The following PRAG1 variants were observed in gnomAD, a reference collection of about 807,000 sequenced individuals.
PRAG1 encodes the protein PEAK1 related, kinase-activating pseudokinase 1.
Under a neutral mutation model 95.6 loss-of-function variants are expected in PRAG1, and 110 were observed. The observed-to-expected ratio is 1.15, with a 90% confidence interval of 0.99 to 1.35. The LOEUF (loss-of-function observed/expected upper bound fraction) is 1.35. Among genes scored for constraint, PRAG1 ranks in the 40% most tolerant of loss-of-function variants. The pLI, the probability that PRAG1 is intolerant of heterozygous loss-of-function variation, is 0.00. For synonymous variants in PRAG1, 1,052 were observed against 819.4 expected (o/e 1.28, Z -4.85); for missense variants, 2,554 against 1,864.7 (o/e 1.37, Z -6.81).
chr8:8,327,696 G>T lies in PRAG1; in HGVS notation c.3072+14C>A, dbSNP rs1220423472. 2 of 1,598,092 alleles carry T rather than the reference G, an allele frequency of 1.3e-6. No individual in the cohort carries two copies. Among genetic ancestry groups the T allele is most frequent in the South Asian group, 1.1e-5 (1 of 88,466 alleles). On this transcript the variant is annotated intron_variant, in intron 5 of 5. Coordinates refer to ENST00000615670, the MANE Select transcript of PRAG1 (RefSeq NM_001080826.3). ...CAGTGGCACAGCAGAATGCAAGGAG[G>T]GAGTGGTACCTACTTTCACAGCATA...
At chr8:8,343,887 T>C (rs1275589891) in intron 3 of PRAG1, among the ~76,000 whole-genome samples, 1 of 152,186 alleles carries the variant, frequency 6.6e-6, no homozygotes, top group Non-Finnish European at 1.5e-5. Context: ...TATATGTAAT[T>C]TTAAGTTTTC....
chr8:8,327,376 C>T (rs1226713088), intron 5 of PRAG1, among the ~76,000 whole-genome samples: 1 of 152,086 alleles, frequency 6.6e-6, no homozygotes, highest in East Asian at 1.9e-4. Context: ...TCAAGACCAG[C>T]CGGGCCAATA....
intron 3 of PRAG1, among the ~76,000 whole-genome samples, chr8:8,360,248 C>T (rs1719995767): frequency 6.6e-6 from 1 of 152,174 alleles, no homozygotes; most frequent in South Asian, 2.1e-4. Flanking sequence ...ATGACCTGGC[C>T]TCCCACATCT....
chr8:8,376,367 G>T lies in PRAG1; in HGVS notation c.2042C>A (p.Ser681Tyr). The T allele has an allele frequency of 6.2e-7, 1 of 1,614,230 alleles. No homozygotes were observed. The highest frequency in any genetic ancestry group is 2.2e-5 in the East Asian group (1 of 44,878). The change falls in exon 3 of 6, where the codon TCT (serine) becomes TAT (tyrosine). Residue 681 changes from serine to tyrosine, a missense_variant. By Grantham distance (144) the Ser-to-Tyr change is moderately radical. Transcript: ENST00000615670. ...GGTCCCAACTTTGCTGTTCTGCCCA[G>T]AGGAGCCATCTGTGGGGTGGAGACG... ...WHRLHPTDGS[S>Y]GQNSKVGTGM...
chr8:8,379,769 G>C (rs550728307), intron 2 of PRAG1, among the ~76,000 whole-genome samples: 1 of 152,186 alleles, frequency 6.6e-6, no homozygotes, highest in African/African-American at 2.4e-5. Context: ...CAGCAGACCC[G>C]GGCTATGTGC....
At chr8:8,375,026 C>T (rs181745660) in intron 3 of PRAG1, among the ~76,000 whole-genome samples, 1 of 150,944 alleles carries the variant, frequency 6.6e-6, no homozygotes, top group African/African-American at 2.4e-5. Context: ...TCGCTCTAAT[C>T]GAGAGAAATT....
At position 8,318,050 on chromosome 8, in the gene PRAG1, C is replaced by G; in HGVS notation, c.*104G>C. ...TTTATATATTTTACATCCAGGTATCCCAGTCATCTGTACCATTTCCCAGGG... is the reference window on the plus strand; with the variant it reads ...TTTATATATTTTACATCCAGGTATCGCAGTCATCTGTACCATTTCCCAGGG... On this transcript the variant is annotated 3_prime_UTR_variant, in exon 6 of 6. Coordinates refer to ENST00000615670, the MANE Select transcript of PRAG1 (RefSeq NM_001080826.3). This position sits in a 1 kb window ranked among gnomAD's most constrained non-coding sequence, Gnocchi z 4.2. The G allele has an allele frequency of 1.9e-6, 2 of 1,027,722 alleles. No individual in the cohort carries two copies. The highest frequency in any genetic ancestry group is 2.8e-6 in the Non-Finnish European group (2 of 726,820). The allele number at this position is 1,027,722 out of a possible 1,614,324, so 63.7% of individuals were successfully genotyped here.
rs1245270366 is a variant in PRAG1, at chr8:8,327,783, C to G, written c.2999G>C (p.Cys1000Ser). Reference sequence around the variant, plus strand: ...ATAAATGGCATCCCCCGAGTCACAGCAGGGCTTGTTACAAGTCAGCTTGAA... The same window carrying G: ...ATAAATGGCATCCCCCGAGTCACAGGAGGGCTTGTTACAAGTCAGCTTGAA... ...SLFKLTCNKP[C>S]CDSGDAIYYC... is the part of the protein sequence containing the mutation. Residue 1000 changes from cysteine (C) to serine (S), a missense_variant, in exon 5 of 6, where the codon TGC becomes TCC. Cys to Ser is a moderately radical substitution (Grantham distance 112). Transcript: ENST00000615670. 1 of 1,614,098 alleles carries G rather than the reference C, an allele frequency of 6.2e-7. No individual in the cohort carries two copies. Among genetic ancestry groups the G allele is most frequent in the South Asian group, 1.1e-5 (1 of 91,092 alleles).
At chr8:8,370,659 A>G (rs1432129574) in intron 3 of PRAG1, among the ~76,000 whole-genome samples, 2 of 152,196 alleles carry the variant, frequency 1.3e-5, no homozygotes, top group Non-Finnish European at 2.9e-5. Flanking sequence ...GACACTGGAG[A>G]CAAACACCCA....
Position 8,374,647 on chromosome 8 carries a change from A to G in PRAG1, c.2162+1600T>C, listed in dbSNP as rs1049728866. 7 of 985,270 alleles carry G rather than the reference A, an allele frequency of 7.1e-6. No homozygotes were observed. The African/African-American group carries it at 8.7e-5, about 12-fold the overall frequency. 61.0% of individuals were successfully genotyped at this position (985,270 alleles called of 1,614,324 possible). On this transcript the variant is annotated intron_variant, in intron 3 of 5. Coordinates refer to ENST00000615670, the MANE Select transcript of PRAG1 (RefSeq NM_001080826.3). ...GTGAGTGCCATATAAATGGAAGCTCATCTTAGCTGCTGAATCTCTCATTCA... is the reference window on the plus strand; with the variant it reads ...GTGAGTGCCATATAAATGGAAGCTCGTCTTAGCTGCTGAATCTCTCATTCA...
At chr8:8,322,336 A>T (rs1798498690) in intron 5 of PRAG1, among the ~76,000 whole-genome samples, 1 of 152,098 alleles carries the variant, frequency 6.6e-6, no homozygotes, top group African/African-American at 2.4e-5. Context: ...GCCTGCCACC[A>T]CACTCGACTA....
chr8:8,340,399 T>G (rs530029244), intron 3 of PRAG1, among the ~76,000 whole-genome samples: 4 of 152,356 alleles, frequency 2.6e-5, no homozygotes, highest in Admixed American at 2.6e-4. Flanking sequence ...TCCTTCCCAC[T>G]TTCCAAGGGC....
chr8:8,342,353 G>A (rs1250683445), intron 3 of PRAG1, among the ~76,000 whole-genome samples: 2 of 151,240 alleles, frequency 1.3e-5, no homozygotes, highest in South Asian at 2.1e-4. Context: ...CCACCACCAC[G>A]CCCCGCTAAT....
intron 3 of PRAG1, among the ~76,000 whole-genome samples, chr8:8,346,564 A>T (rs546497484): frequency 6.6e-6 from 1 of 152,312 alleles, no homozygotes; most frequent in South Asian, 2.1e-4. Flanking sequence ...GTTGGTGGAA[A>T]GCTGGAAAAA....
intron 3 of PRAG1, among the ~76,000 whole-genome samples, chr8:8,353,285 C>A (rs1799583548): frequency 6.6e-6 from 1 of 151,850 alleles, no homozygotes. Flanking sequence ...GAACTTTTTC[C>A]AGGATAGACC....
Position 8,328,325 on chromosome 8 carries a change from C to T in PRAG1, c.2457G>A (p.Lys819=). The T allele has an allele frequency of 6.2e-7, 1 of 1,613,360 alleles. No individual in the cohort carries two copies. Among genetic ancestry groups the T allele is most frequent in the Non-Finnish European group, 8.5e-7 (1 of 1,179,796 alleles). The change falls in exon 5 of 6, where the codon AAG becomes AAA. Residue 819 remains lysine, a synonymous_variant. Coordinates refer to ENST00000615670, the MANE Select transcript of PRAG1 (RefSeq NM_001080826.3). ...GTGAAGAGGCTGCCCGGCTCACTAT[C>T]TTTTTCTGGGGGAGTGGAGGGGGCT... ...PQQPPPLPQK[K]IVSRAASSPD...
chr8:8,380,470 G>C (rs1272178242), intron 2 of PRAG1, among the ~76,000 whole-genome samples: 3 of 151,960 alleles, frequency 2.0e-5, no homozygotes, highest in South Asian at 2.1e-4. Context: ...ATGGCAGTAT[G>C]TACCTATAGC....
At position 8,377,619 on chromosome 8, in the gene PRAG1, G is replaced by A. The variant is rs767173385; in HGVS notation, c.790C>T (p.Pro264Ser). 6 of 1,613,184 alleles carry A rather than the reference G, an allele frequency of 3.7e-6. No individual in the cohort carries two copies. Among genetic ancestry groups the A allele is most frequent in the African/African-American group, 1.3e-5 (1 of 74,918 alleles). ...GTCTGGGAGGCAGCCTTGGCAACAG[G>A]GCTCCCAGGGCAGCAGTCCAGGATG... Reference protein sequence around the residue: ...CSILDCCPGSPVAKAASQTAG... With the variant: ...CSILDCCPGSSVAKAASQTAG... The change falls in exon 3 of 6, where the codon CCT (proline) becomes TCT (serine). Residue 264 changes from proline to serine, a missense_variant. Transcript: ENST00000615670.
At chr8:8,375,553 T>G (rs1800358467) in intron 3 of PRAG1, among the ~76,000 whole-genome samples, 1 of 152,122 alleles carries the variant, frequency 6.6e-6, no homozygotes, top group African/African-American at 2.4e-5. Flanking sequence ...CATGTAAAAC[T>G]TCCTCTTTTC....
Sources: gnomAD v4.1 joint callset for allele counts (sites outside exome capture counted in the v4.1 genomes callset) on GRCh38, gnomAD v4.1.1 for gene constraint, Gnocchi (gnomAD v3.1) non-coding constraint, MANE v1.5 for transcripts, NCBI Gene and HGNC (gene_info 2026-07-23, HGNC 2026-07-21) for gene names.